Variants in KCNAB3 observed in about 807,000 individuals in gnomAD.
KCNAB3 encodes voltage-gated potassium channel subunit beta-3.
A neutral mutation model predicts 67.7 loss-of-function variants in KCNAB3; 62 were observed. The ratio of observed to expected loss-of-function variants is 0.92; its 90% CI spans 0.75 to 1.13. The LOEUF (loss-of-function observed/expected upper bound fraction) is 1.13. Among genes scored for constraint, KCNAB3 ranks in the 50% most tolerant of loss-of-function variants. The probability of loss-of-function intolerance (pLI) is 0.00; values close to 1 mark genes in which losing one functional copy is unlikely to be tolerated. For missense variants in KCNAB3, 514 were observed against 522.9 expected, an observed-to-expected ratio of 0.98 and a Z score of 0.17; for synonymous variants, 212 against 205.4, an observed-to-expected ratio of 1.03 and a Z score of -0.27.
chr17:7,923,210 G>A (rs765489262), intron 13 of KCNAB3, 31 bp from the exon 14 acceptor site: 13 of 1,601,104 alleles, frequency 8.1e-6, no homozygotes, highest in Admixed American at 1.7e-5. Flanking sequence ...GGCGACGGCA[G>A]CCCATGCTGG....
chr17:7,929,362 C>G lies in KCNAB3; in HGVS notation c.74G>C (p.Arg25Pro). 2.6e-6 allele frequency: 4 copies of G among 1,549,196 alleles called. No individual in the cohort carries two copies. Among genetic ancestry groups the G allele is most frequent in the Non-Finnish European group, 3.5e-6 (4 of 1,146,670 alleles). The stretch of plus-strand genomic sequence containing the variant: ...ACCATTACCGCCCCCGGGGCCCGGC[C>G]GGGGTCCACACAGACGGTCCTCACT... ...RSSEDRLCGP[R>P]PGPGGGNGGP... The change falls in exon 1 of 14, where the codon CGG (arginine) becomes CCG (proline). Residue 25 changes from arginine to proline, a missense_variant. Coordinates refer to ENST00000303790, the MANE Select transcript of KCNAB3 (RefSeq NM_004732.4). The surrounding 1 kb of genome is among the most constrained non-coding windows in gnomAD (Gnocchi z 5.7).
Position 7,929,818 on chromosome 17 carries a change from C to CTA in KCNAB3, c.-384_-383insTA. On this transcript the variant is annotated 5_prime_UTR_variant, in exon 1 of 14. Transcript: ENST00000303790. The surrounding 1 kb of genome is among the most constrained non-coding windows in gnomAD (Gnocchi z 5.7). ...ACTTCAGCGCGAACCGCTGCGGGAC[C>CTA]CGCTGGGCTCCCAGCCGCGTCGGCA... 166 of 1,015,866 alleles carry CTA rather than the reference C, an allele frequency of 1.6e-4. No homozygotes were observed. The highest frequency in any genetic ancestry group is 1.6e-3 in the Admixed American group (27 of 16,650). The allele number at this position is 1,015,866 out of a possible 1,614,324, so 62.9% of individuals were successfully genotyped here.
At position 7,929,061 on chromosome 17, in the gene KCNAB3, A is replaced by G; in HGVS notation, c.242+133T>C. 1.5e-6 allele frequency: 2 copies of G among 1,348,758 alleles called. No individual in the cohort carries two copies. The highest frequency in any genetic ancestry group is 2.0e-6 in the Non-Finnish European group (2 of 1,000,542). 83.5% of individuals were successfully genotyped at this position (1,348,758 alleles called of 1,614,324 possible). On this transcript the variant is annotated intron_variant, in intron 1 of 13. Transcript: ENST00000303790. The surrounding 1 kb of genome is among the most constrained non-coding windows in gnomAD (Gnocchi z 5.7). ...GAGGGACAAAGTGAGGGAGTGCCAGAGACAGAAAGAAGAGATGGAAAGAAG... is the reference window on the plus strand; with the variant it reads ...GAGGGACAAAGTGAGGGAGTGCCAGGGACAGAAAGAAGAGATGGAAAGAAG...
Position 7,924,654 on chromosome 17 carries a change from C to T in KCNAB3, c.626-154G>A, listed in dbSNP as rs1972166824. ...TCTTTGCCTCTCTTCCTGTCCACAT[C>T]CTGGAGTCTCAGCCTCCACTGTGGA... On this transcript the variant is annotated intron_variant, in intron 8 of 13. Coordinates refer to ENST00000303790, the MANE Select transcript of KCNAB3 (RefSeq NM_004732.4). 5.0e-6 allele frequency: 7 copies of T among 1,390,286 alleles called. No individual in the cohort carries two copies. The South Asian group carries it at 5.4e-5, about 11-fold the overall frequency. 86.1% of individuals were successfully genotyped at this position (1,390,286 alleles called of 1,614,324 possible). A position where few individuals can be genotyped will look rare whatever the true frequency, so the allele number is the denominator to read the frequency against.
chr17:7,929,799 GC>G lies in KCNAB3; in HGVS notation c.-365del. The G allele has an allele frequency of 1.3e-4, 142 of 1,080,424 alleles. No homozygotes were observed. Among genetic ancestry groups the G allele is most frequent in the Admixed American group, 8.0e-4 (15 of 18,714 alleles). 66.9% of individuals were successfully genotyped at this position (1,080,424 alleles called of 1,614,324 possible). A position where few individuals can be genotyped will look rare whatever the true frequency, so the allele number is the denominator to read the frequency against. ...GGGGCGGGAGAGAGATGCCACTTCA[GC>G]GCGAACCGCTGCGGGACCCGCTGGG... On this transcript the variant is annotated 5_prime_UTR_variant, in exon 1 of 14. Transcript: ENST00000303790. This position sits in a 1 kb window ranked among gnomAD's most constrained non-coding sequence, Gnocchi z 5.7.
intron 7 of KCNAB3, chr17:7,925,430 G>A (rs547126783): frequency 3.5e-5 from 21 of 596,978 alleles, no homozygotes; most frequent in Middle Eastern, 9.0e-4. Flanking sequence ...TCGAGACGCT[G>A]AGGTAGGAGA....
rs1388615822 is a variant in KCNAB3, at chr17:7,926,042, C to G, written c.449+17G>C. 4 of 1,614,006 alleles carry G rather than the reference C, an allele frequency of 2.5e-6. No homozygotes were observed. Among genetic ancestry groups the G allele is most frequent in the Middle Eastern group, 1.6e-4 (1 of 6,084 alleles). ...TTGGGTGATCACATCCCCAGCAACCCCCCAAAACAGTCTCACCTCCAACCT... is the reference window on the plus strand; with the variant it reads ...TTGGGTGATCACATCCCCAGCAACCGCCCAAAACAGTCTCACCTCCAACCT... On this transcript the variant is annotated intron_variant, in intron 5 of 13. Transcript: ENST00000303790.
rs141672834 is a variant in KCNAB3 at position 7,927,677 on chromosome 17, C to A, written c.304G>T (p.Gly102Cys). ...TATACCTCATCTGAGATCTGAGAACCAAATGTGACCCAGGTACCTGCAAGA... is the reference window on the plus strand; with the variant it reads ...TATACCTCATCTGAGATCTGAGAACAAAATGTGACCCAGGTACCTGCAAGA... The part of the protein sequence containing the change: ...CLGLGTWVTF[G>C]SQISDETAED... Residue 102 changes from glycine to cysteine, a missense_variant, in exon 3 of 14, where the codon GGT becomes TGT. Coordinates refer to ENST00000303790, the MANE Select transcript of KCNAB3 (RefSeq NM_004732.4). 4.5e-5 allele frequency: 73 copies of A among 1,614,152 alleles called. No homozygotes were observed. In the East Asian group the frequency reaches 4.9e-4, roughly 11 times the overall value.
chr17:7,929,257 C>G lies in KCNAB3; in HGVS notation c.179G>C (p.Arg60Pro), dbSNP rs777380203. 18 of 1,607,564 alleles carry G rather than the reference C, an allele frequency of 1.1e-5. No homozygotes were observed. The highest frequency in any genetic ancestry group is 1.3e-5 in the African/African-American group (1 of 74,728). ...GAGGGCCCCAGCGGGCGCTGGGGGTCGGGGAACCAGTGCAGCTCGGGCCTT... is the reference window on the plus strand; with the variant it reads ...GAGGGCCCCAGCGGGCGCTGGGGGTGGGGGAACCAGTGCAGCTCGGGCCTT... ...GPKARAALVP[R>P]PPAPAGALRE... Residue 60 changes from arginine (R) to proline (P), a missense_variant, in exon 1 of 14, where the codon CGA (arginine) becomes CCA (proline). Physicochemically the swap from Arg to Pro is moderately radical, Grantham distance 103 (BLOSUM62 -2). Coordinates refer to ENST00000303790, the MANE Select transcript of KCNAB3 (RefSeq NM_004732.4). The surrounding 1 kb of genome is among the most constrained non-coding windows in gnomAD (Gnocchi z 5.7).
chr17:7,924,569 C>A, intron 8 of KCNAB3, 69 bp from the exon 9 acceptor site: 1 of 1,512,066 alleles, frequency 6.6e-7, no homozygotes. Flanking sequence ...ATTTGCAGAC[C>A]TCCACCTGCC....
rs759409428 is a variant in KCNAB3, at chr17:7,924,487, G to A, written c.639C>T (p.Ala213=). ...PNCPMEEIVR[A]MTYVINQGLA... ...GGCCCTGGTTGATGACATAGGTCAT[G>A]GCTCGCACAATCTCTAGGTACACAG... The change falls in exon 9 of 14, where the codon GCC becomes GCT. Residue 213 remains alanine, a synonymous_variant. Coordinates refer to ENST00000303790, the MANE Select transcript of KCNAB3 (RefSeq NM_004732.4). 1 of 1,613,886 alleles carries A rather than the reference G, an allele frequency of 6.2e-7. No homozygotes were observed. Among genetic ancestry groups the A allele is most frequent in the Non-Finnish European group, 8.5e-7 (1 of 1,179,848 alleles).
Position 7,929,834 on chromosome 17 carries a change from C to G in KCNAB3, c.-399G>C, listed in dbSNP as rs1454627214. On this transcript the variant is annotated 5_prime_UTR_variant, in exon 1 of 14. Transcript: ENST00000303790. This position sits in a 1 kb window ranked among gnomAD's most constrained non-coding sequence, Gnocchi z 5.7. ...CTGCGGGACCCGCTGGGCTCCCAGC[C>G]GCGTCGGCAGCGGGCCCAGCTCATC... The G allele has an allele frequency of 1.9e-6, 2 of 1,026,768 alleles. No individual in the cohort carries two copies. The highest frequency in any genetic ancestry group is 3.6e-5 in the South Asian group (1 of 28,100). 63.6% of individuals were successfully genotyped at this position (1,026,768 alleles called of 1,614,324 possible). A position where few individuals can be genotyped will look rare whatever the true frequency, so the allele number is the denominator to read the frequency against.
chr17:7,929,804 A>ATCT lies in KCNAB3; in HGVS notation c.-370_-369insAGA. ...GGGAGAGAGATGCCACTTCAGCGCG[A>ATCT]ACCGCTGCGGGACCCGCTGGGCTCC... On this transcript the variant is annotated 5_prime_UTR_variant, in exon 1 of 14. Transcript: ENST00000303790. The surrounding 1 kb of genome is among the most constrained non-coding windows in gnomAD (Gnocchi z 5.7). 9.1e-7 allele frequency: 1 copy of ATCT among 1,100,890 alleles called. No homozygotes were observed. The highest frequency in any genetic ancestry group is 2.3e-5 in the South Asian group (1 of 42,656). 68.2% of individuals were successfully genotyped at this position (1,100,890 alleles called of 1,614,324 possible). A position where few individuals can be genotyped will look rare whatever the true frequency, so the allele number is the denominator to read the frequency against.
At chr17:7,924,940 C>T in intron 8 of KCNAB3, 157 bp downstream of exon 8, 4 of 654,414 alleles carry the variant, frequency 6.1e-6, no homozygotes, top group South Asian at 3.8e-5. Context: ...GAGACAGGGT[C>T]TTGCTATGTT....
In KCNAB3 at chr17:7,923,482, A is replaced by G. The variant is rs1346136042; in HGVS notation, c.1111T>C (p.Leu371=). 3 of 1,612,312 alleles carry G rather than the reference A, an allele frequency of 1.9e-6. No homozygotes were observed. The South Asian group carries it at 3.3e-5, about 18-fold the overall frequency. The part of the protein sequence containing the change: ...VLLGVSSAEQ[L]IEHLGALQVL... ...TGTAGCGCGCCCAGGTGTTCTATCA[A>G]CTGCTCCGCACTCGACACCCCCAGC... is the stretch of plus-strand genomic sequence containing the variant. The change falls in exon 13 of 14, where the codon TTG becomes CTG. Residue 371 remains leucine (L), a synonymous_variant. Transcript: ENST00000303790.
chr17:7,929,835 G>GCTAAT lies in KCNAB3; in HGVS notation c.-401_-400insATTAG. On this transcript the variant is annotated 5_prime_UTR_variant, in exon 1 of 14. Coordinates refer to ENST00000303790, the MANE Select transcript of KCNAB3 (RefSeq NM_004732.4). The surrounding 1 kb of genome is among the most constrained non-coding windows in gnomAD (Gnocchi z 5.7). ...TGCGGGACCCGCTGGGCTCCCAGCC[G>GCTAAT]CGTCGGCAGCGGGCCCAGCTCATCA... 5.8e-6 allele frequency: 6 copies of GCTAAT among 1,029,892 alleles called. No individual in the cohort carries two copies. The highest frequency in any genetic ancestry group is 6.9e-5 in the South Asian group (2 of 28,924). The allele number at this position is 1,029,892 out of a possible 1,614,324, so 63.8% of individuals were successfully genotyped here. A position where few individuals can be genotyped will look rare whatever the true frequency, so the allele number is the denominator to read the frequency against.
At chr17:7,926,323 C>T (rs969959663) in intron 4 of KCNAB3, among the ~76,000 whole-genome samples, 13 of 152,194 alleles carry the variant, frequency 8.5e-5, no homozygotes, top group African/African-American at 3.1e-4. Context: ...TGTGCATTAG[C>T]TGTGTACCAA....
chr17:7,927,630 C>G (rs368764593), intron 3 of KCNAB3, 27 bp downstream of exon 3: 13 of 1,613,748 alleles, frequency 8.1e-6, no homozygotes, highest in East Asian at 2.2e-5. Context: ...CCCCCACCAC[C>G]CTGATTCTAG....
At chr17:7,925,791 C>A in intron 6 of KCNAB3, 65 bp from the exon 7 acceptor site, 1 of 1,607,524 alleles carries the variant, frequency 6.2e-7, no homozygotes, top group Non-Finnish European at 8.5e-7. Context: ...TGGCTTGGAG[C>A]CATAAGGAAA....
Sources: gnomAD v4.1 joint callset for allele counts (sites outside exome capture counted in the v4.1 genomes callset) on GRCh38, gnomAD v4.1.1 for gene constraint, Gnocchi (gnomAD v3.1) non-coding constraint, MANE v1.5 for transcripts, NCBI Gene and HGNC (gene_info 2026-07-23, HGNC 2026-07-21) for gene names.